The following SGCB variants were observed in gnomAD, a reference collection of about 807,000 sequenced individuals.
SGCB encodes beta-sarcoglycan.
Under a neutral mutation model 27.3 loss-of-function variants are expected in SGCB, and 25 were observed. The observed-to-expected ratio is 0.92, with a 90% CI of 0.67 to 1.28. The LOEUF (loss-of-function observed/expected upper bound fraction) is 1.28, where lower values mean the gene tolerates loss of function less well. SGCB is among the 50% of genes most tolerant of loss of function. The pLI, the probability that SGCB is intolerant of heterozygous loss-of-function variation, is 0.00. For synonymous variants in SGCB, 147 were observed against 133.5 expected (o/e 1.10, Z -0.70); for missense variants, 436 against 402.1 (o/e 1.08, Z -0.72).
rs761454980 is a variant in SGCB at position 52,029,906 on chromosome 4, T to A, written c.244-43A>T. The A allele has an allele frequency of 1.1e-5, 15 of 1,415,692 alleles. No individual in the cohort carries two copies. In the Admixed American group the frequency reaches 2.3e-4, roughly 22 times the overall value. 87.7% of individuals were successfully genotyped at this position (1,415,692 alleles called of 1,614,324 possible). The stretch of plus-strand genomic sequence containing the variant: ...TCCACTGTTGGTAGGCCGCATACAT[T>A]TAATGTAATTGGAAAACAAATAGAA... On this transcript the variant is annotated intron_variant, in intron 2 of 5. Transcript: ENST00000381431.
rs781149331 is a variant in SGCB at position 52,029,895 on chromosome 4, G to A, written c.244-32C>T. ...AAGAACACAAGTCCACTGTTGGTAG[G>A]CCGCATACATTTAATGTAATTGGAA... On this transcript the variant is annotated intron_variant, in intron 2 of 5. Coordinates refer to ENST00000381431, the MANE Select transcript of SGCB (RefSeq NM_000232.5). The A allele has an allele frequency of 3.3e-6, 5 of 1,494,926 alleles. No homozygotes were observed. The East Asian group carries it at 1.1e-4, about 34-fold the overall frequency. The allele number at this position is 1,494,926 out of a possible 1,614,324, so 92.6% of individuals were successfully genotyped here.
At chr4:52,032,691 G>A (rs1373471941) in intron 2 of SGCB, among the ~76,000 whole-genome samples, 1 of 152,142 alleles carries the variant, frequency 6.6e-6, no homozygotes, top group Non-Finnish European at 1.5e-5. Flanking sequence ...TGCATTAGAA[G>A]TAGAAAATAA....
At chr4:52,038,078 C>A in intron 1 of SGCB, 149 bp downstream of exon 1, 1 of 156,646 alleles carries the variant, frequency 6.4e-6, no homozygotes, top group Non-Finnish European at 1.4e-5. Flanking sequence ...ACAGCTCCTC[C>A]CGCCCCGCCC....
At position 52,028,741 on chromosome 4, in the gene SGCB, A is replaced by C. The variant is rs886044156; in HGVS notation, c.610T>G (p.Ser204Ala). 1 of 1,608,898 alleles carries C rather than the reference A, an allele frequency of 6.2e-7. No homozygotes were observed. Among genetic ancestry groups the C allele is most frequent in the South Asian group, 1.1e-5 (1 of 90,928 alleles). Residue 204 changes from serine (S) to alanine (A), a missense_variant, in exon 4 of 6, where the codon TCT becomes GCT. Transcript: ENST00000381431. ...CCAATAAATCATACCCTTTCAGTAG[A>C]TGCCTTTTGAACATTCAAACTTTTC... ...GVKSLNVQKA[S>A]TERITSNATS...
intron 5 of SGCB, among the ~76,000 whole-genome samples, chr4:52,025,774 G>A (rs1164697676): frequency 5.9e-5 from 9 of 152,162 alleles, no homozygotes; most frequent in Admixed American, 2.6e-4. Flanking sequence ...AGGGAATGAT[G>A]GCAGTTTACA....
At chr4:52,033,382 TA>T in intron 2 of SGCB, 48 bp downstream of exon 2, 3 of 1,215,296 alleles carry the variant, frequency 2.5e-6, no homozygotes, top group Non-Finnish European at 3.7e-6. Context: ...ATAAAGCAGA[TA>T]AAAAATTCCC....
At position 52,038,280 on chromosome 4, in the gene SGCB, C is replaced by T. The variant is rs551252676; in HGVS notation, c.-21G>A. 4.6e-6 allele frequency: 6 copies of T among 1,292,492 alleles called. No individual in the cohort carries two copies. Among genetic ancestry groups the T allele is most frequent in the African/African-American group, 1.5e-5 (1 of 65,144 alleles). The allele number at this position is 1,292,492 out of a possible 1,614,324, so 80.1% of individuals were successfully genotyped here. ...GCCATCTTCCCGCGCCCGCCGCCGC[C>T]GAGCTCCCCGCCCGACTGTGCCCGC... On this transcript the variant is annotated 5_prime_UTR_variant, in exon 1 of 6. Transcript: ENST00000381431.
rs1255873110 is a variant in SGCB, at chr4:52,023,660, T to C, written c.*297A>G. Reference sequence around the variant, plus strand: ...AAACAGCTGCTTCAGACCTTTAACCTTTAGAAAAGGGATAGTGGAATTTTA... The same window carrying C: ...AAACAGCTGCTTCAGACCTTTAACCCTTAGAAAAGGGATAGTGGAATTTTA... On this transcript the variant is annotated 3_prime_UTR_variant, in exon 6 of 6. Transcript: ENST00000381431. 1 of 350,620 alleles carries C rather than the reference T, an allele frequency of 2.9e-6. No individual in the cohort carries two copies. The highest frequency in any genetic ancestry group is 5.4e-6 in the Non-Finnish European group (1 of 185,128). The allele number at this position is 350,620 out of a possible 1,614,324, so 21.7% of individuals were successfully genotyped here. A position where few individuals can be genotyped will look rare whatever the true frequency, so the allele number is the denominator to read the frequency against.
At chr4:52,034,998 C>G (rs1176771184) in intron 1 of SGCB, among the ~76,000 whole-genome samples, 2 of 152,170 alleles carry the variant, frequency 1.3e-5, no homozygotes, top group African/African-American at 4.8e-5. Context: ...AACCAAAGCT[C>G]TTTGGAATCC....
chr4:52,036,976 T>C (rs956447179), intron 1 of SGCB, among the ~76,000 whole-genome samples: 2 of 152,176 alleles, frequency 1.3e-5, no homozygotes, highest in Admixed American at 6.5e-5. Context: ...TTCAGTTAAG[T>C]TCAGGGCTGG....
intron 5 of SGCB, among the ~76,000 whole-genome samples, chr4:52,026,478 C>CG (rs1199443002): frequency 1.3e-5 from 2 of 151,888 alleles, no homozygotes; most frequent in Non-Finnish European, 2.9e-5. Context: ...AGGCTGGTCT[C>CG]GAATTCCTGA....
At chr4:52,031,553 G>C (rs1045021820) in intron 2 of SGCB, among the ~76,000 whole-genome samples, 18 of 150,578 alleles carry the variant, frequency 1.2e-4, no homozygotes, top group African/African-American at 4.4e-4. Flanking sequence ...TGCCTGGCTT[G>C]TGCCTTTTAA....
rs563507376 is a variant in SGCB at position 52,022,146 on chromosome 4, A to G, written c.*1811T>C. 2 of 152,356 alleles carry G rather than the reference A, an allele frequency of 1.3e-5. No homozygotes were observed. Among genetic ancestry groups the G allele is most frequent in the South Asian group, 4.1e-4 (2 of 4,830 alleles). The allele number at this position is 152,356 out of a possible 1,614,324, so 9.4% of individuals were successfully genotyped here. ...TCAAATGAGTTCAAATATCACTGCA[A>G]TAACACTCAAGTGGTTATAAATCTC... On this transcript the variant is annotated 3_prime_UTR_variant, in exon 6 of 6. Transcript: ENST00000381431.
chr4:52,029,586 C>A, intron 3 of SGCB, 92 bp downstream of exon 3: 1 of 773,938 alleles, frequency 1.3e-6, no homozygotes, highest in Non-Finnish European at 2.3e-6. Context: ...GGGAAAATAT[C>A]TCTTTCCAAT....
rs770105517 is a variant in SGCB, at chr4:52,026,279, G to A, written c.753+1689C>T. On this transcript the variant is annotated intron_variant, in intron 5 of 5. Transcript: ENST00000381431. Reference sequence around the variant, plus strand: ...TTTTTTTTTTTTTTTTTTTTTTTGAGACGGAGTTTTGCTCTGTCTCCCAGG... The same window carrying A: ...TTTTTTTTTTTTTTTTTTTTTTTGAAACGGAGTTTTGCTCTGTCTCCCAGG... Among the ~76,000 whole-genome samples, 123 of 71,874 alleles carry A rather than the reference G, an allele frequency of 1.7e-3. 1 individual carries two copies. The highest frequency in any genetic ancestry group is 2.5e-3 in the Non-Finnish European group (96 of 38,876). 47.2% of individuals were successfully genotyped at this position (71,874 alleles called of 152,430 possible). A position where few individuals can be genotyped will look rare whatever the true frequency, so the allele number is the denominator to read the frequency against.
intron 1 of SGCB, among the ~76,000 whole-genome samples, chr4:52,036,856 T>C (rs1015545516): frequency 1.3e-5 from 2 of 152,208 alleles, no homozygotes; most frequent in African/African-American, 4.8e-5. Flanking sequence ...GCCTTGGTCC[T>C]AAGTTTCTGG....
chr4:52,033,607 G>A lies in SGCB; in HGVS notation c.67C>T (p.Arg23Cys), dbSNP rs529566743. Residue 23 changes from arginine (R) to cysteine (C), a missense_variant, in exon 2 of 6, where the codon CGT (arginine) becomes TGT (cysteine). Physicochemically the swap from Arg to Cys is radical, Grantham distance 180. Coordinates refer to ENST00000381431, the MANE Select transcript of SGCB (RefSeq NM_000232.5). ...CTCCTTCTCTCAACAGCCTTCTCACGCATGGACTTCTTTACAGGACCATTG... is the reference window on the plus strand; with the variant it reads ...CTCCTTCTCTCAACAGCCTTCTCACACATGGACTTCTTTACAGGACCATTG... Reference protein sequence around the residue: ...SSNGPVKKSMREKAVERRSVN... With the variant: ...SSNGPVKKSMCEKAVERRSVN... 9.9e-6 allele frequency: 16 copies of A among 1,613,616 alleles called. No homozygotes were observed. Among genetic ancestry groups the A allele is most frequent in the Admixed American group, 3.3e-5 (2 of 60,016 alleles).
chr4:52,030,455 C>A (rs1429536526), intron 2 of SGCB, among the ~76,000 whole-genome samples: 1 of 152,132 alleles, frequency 6.6e-6, no homozygotes, highest in East Asian at 1.9e-4. Context: ...CCTATAATGG[C>A]AGTTTCTTTC....
chr4:52,028,261 G>T (rs1380931183), intron 4 of SGCB, among the ~76,000 whole-genome samples, 162 bp from the exon 5 acceptor site: 1 of 152,190 alleles, frequency 6.6e-6, no homozygotes, highest in Non-Finnish European at 1.5e-5. Context: ...ACTTGATAAT[G>T]ATCACACAAG....
Sources: allele counts gnomAD v4.1 joint callset (sites outside exome capture counted in the v4.1 genomes callset), GRCh38; gene constraint gnomAD v4.1.1; transcripts MANE v1.5; gene names NCBI Gene and HGNC (gene_info 2026-07-23, HGNC 2026-07-21).